RASSF4: variants seen among roughly 807,000 people sequenced by gnomAD.
RASSF4 encodes ras association domain-containing protein 4.
RASSF4 carries 38 observed loss-of-function variants against 41.1 expected under a neutral mutation model. The ratio of observed to expected loss-of-function variants is 0.92; its 90% CI spans 0.71 to 1.21. The LOEUF (loss-of-function observed/expected upper bound fraction) is 1.21, where lower values mean the gene tolerates loss of function less well. Ranked by LOEUF, RASSF4 falls within the 50% of genes most tolerant of loss-of-function variation. The pLI, the probability that RASSF4 is intolerant of heterozygous loss-of-function variation, is 0.00. For synonymous variants in RASSF4, 179 were observed against 163.4 expected, an observed-to-expected ratio of 1.10 and a Z score of -0.73; for missense variants, 414 against 419.4, an observed-to-expected ratio of 0.99 and a Z score of 0.11.
At chr10:44,985,578 T>C (rs1435188126) in intron 6 of RASSF4, among the ~76,000 whole-genome samples, 1 of 152,238 alleles carries the variant, frequency 6.6e-6, no homozygotes, top group Non-Finnish European at 1.5e-5. Context: ...GGCCATATCT[T>C]TCCCTCAGCA....
In RASSF4 at chr10:44,982,971, G is replaced by A. The variant is rs553243978; in HGVS notation, c.281+308G>A. 5.8e-5 allele frequency: 37 copies of A among 642,340 alleles called. 1 individual carries two copies. The highest frequency in any genetic ancestry group is 3.6e-4 in the South Asian group (24 of 66,044). The allele number at this position is 642,340 out of a possible 1,614,324, so 39.8% of individuals were successfully genotyped here. ...GGGGCTCCCAACACCTATGCAAGCC[G>A]AACATGTCTCGCCATCTCTTGTTCT... On this transcript the variant is annotated intron_variant, in intron 4 of 10. Transcript: ENST00000340258.
intron 6 of RASSF4, among the ~76,000 whole-genome samples, chr10:44,986,038 A>C (rs2132797920): frequency 6.6e-6 from 1 of 152,326 alleles, no homozygotes; most frequent in Middle Eastern, 3.4e-3. Flanking sequence ...TCTTGTTCCA[A>C]AAGGGGTTTA....
At chr10:44,962,943 G>A (rs1337617619) in intron 1 of RASSF4, among the ~76,000 whole-genome samples, 1 of 152,214 alleles carries the variant, frequency 6.6e-6, no homozygotes, top group Admixed American at 6.5e-5. Flanking sequence ...GGCTGCTCAG[G>A]GCCAGGCTCT....
chr10:44,985,936 A>C (rs1284393504), intron 6 of RASSF4, among the ~76,000 whole-genome samples: 1 of 152,198 alleles, frequency 6.6e-6, no homozygotes, highest in African/African-American at 2.4e-5. Context: ...CTCCTGAGAG[A>C]GTAAAGGGGA....
intron 6 of RASSF4, among the ~76,000 whole-genome samples, chr10:44,987,764 T>A (rs1479779438): frequency 1.3e-5 from 2 of 151,996 alleles, no homozygotes; most frequent in Middle Eastern, 3.2e-3. Context: ...TTTTTAGCAA[T>A]AAAGTAGTTT....
chr10:44,978,365 CT>C, intron 3 of RASSF4: 2 of 267,188 alleles, frequency 7.5e-6, no homozygotes, highest in Non-Finnish European at 1.4e-5. Flanking sequence ...ACCATGGGAC[CT>C]TTGGCAAGGC....
intron 9 of RASSF4, 51 bp downstream of exon 9, chr10:44,991,120 G>T (rs775863923): frequency 1.9e-6 from 3 of 1,549,564 alleles, no homozygotes; most frequent in African/African-American, 1.4e-5. Context: ...AGGGGTTCTT[G>T]GGTGACGGGG....
At chr10:44,977,738 A>G in intron 3 of RASSF4, 1 of 1,606,334 alleles carries the variant, frequency 6.2e-7, no homozygotes, top group Non-Finnish European at 8.5e-7. Context: ...AGTATCAGCC[A>G]TGGGCAGTGT....
At chr10:44,980,485 C>T (rs1334752858) in intron 3 of RASSF4, among the ~76,000 whole-genome samples, 1 of 152,160 alleles carries the variant, frequency 6.6e-6, no homozygotes, top group East Asian at 1.9e-4. Context: ...GCACACACAT[C>T]ACCTGTGTAG....
chr10:44,990,485 C>T (rs904711260), intron 8 of RASSF4: 2 of 155,708 alleles, frequency 1.3e-5, no homozygotes, highest in Admixed American at 1.2e-4. Context: ...TCTGGGGAGG[C>T]GAAGGGTGGG....
chr10:44,993,194 A>T, intron 10 of RASSF4, 75 bp from the exon 11 acceptor site: 1 of 1,275,998 alleles, frequency 7.8e-7, no homozygotes, highest in Non-Finnish European at 1.1e-6. Flanking sequence ...GGCCATCTGC[A>T]GGTCCCTTGC....
chr10:44,984,277 C>A, intron 5 of RASSF4, 164 bp downstream of exon 5: 1 of 644,528 alleles, frequency 1.6e-6, no homozygotes, highest in Non-Finnish European at 2.6e-6. Context: ...AGGTGCTCTG[C>A]CCTCATTCTC....
intron 3 of RASSF4, chr10:44,978,117 C>T: frequency 6.8e-7 from 1 of 1,472,492 alleles, no homozygotes; most frequent in South Asian, 1.2e-5. Flanking sequence ...CCCTCAGCGT[C>T]ACCACACTCC....
At chr10:44,966,619 G>C (rs139959756) in intron 1 of RASSF4, among the ~76,000 whole-genome samples, 171 of 152,330 alleles carry the variant, frequency 1.1e-3, no homozygotes, top group East Asian at 0.01. Context: ...GAACTTTCTT[G>C]AAACTGTGGT....
In RASSF4 at chr10:44,989,282, G is replaced by A. The variant is rs1443414273; in HGVS notation, c.540G>A (p.Val180=). 6.2e-7 allele frequency: 1 copy of A among 1,612,388 alleles called. No homozygotes were observed. The highest frequency in any genetic ancestry group is 1.1e-5 in the South Asian group (1 of 91,004). The change falls in exon 7 of 11, where the codon GTG becomes GTA. Residue 180 remains valine, a synonymous_variant. Coordinates refer to ENST00000340258, the MANE Select transcript of RASSF4 (RefSeq NM_032023.4). ...NGHFYNHKTS[V]FTPAYGSVTN... ...CTCCCTTCCTGGTACAGACCTCCGTGTTTACTCCAGCCTATGGATCCGTGA... is the reference window on the plus strand; with the variant it reads ...CTCCCTTCCTGGTACAGACCTCCGTATTTACTCCAGCCTATGGATCCGTGA...
rs1407104511 is a variant in RASSF4, at chr10:44,989,405, A to T, written c.633+30A>T. Reference sequence around the variant, plus strand: ...GCCTGGTCAGGAGCAGCCTTGCCCCAGGATGCCAGTGGTCTGCTATTCTGT... The same window carrying T: ...GCCTGGTCAGGAGCAGCCTTGCCCCTGGATGCCAGTGGTCTGCTATTCTGT... On this transcript the variant is annotated intron_variant, in intron 7 of 10. Coordinates refer to ENST00000340258, the MANE Select transcript of RASSF4 (RefSeq NM_032023.4). The T allele has an allele frequency of 2.7e-6, 4 of 1,477,322 alleles. No individual in the cohort carries two copies. The South Asian group carries it at 4.6e-5, about 17-fold the overall frequency. 91.5% of individuals were successfully genotyped at this position (1,477,322 alleles called of 1,614,324 possible). A position where few individuals can be genotyped will look rare whatever the true frequency, so the allele number is the denominator to read the frequency against.
At chr10:44,974,555 C>G (rs187094400) in intron 3 of RASSF4, among the ~76,000 whole-genome samples, 2 of 152,202 alleles carry the variant, frequency 1.3e-5, no homozygotes. Context: ...GAGCCCCAAG[C>G]TAAGGGGCTC....
At chr10:44,960,466 G>C (rs1588775159) in intron 1 of RASSF4, among the ~76,000 whole-genome samples, 1 of 152,166 alleles carries the variant, frequency 6.6e-6, no homozygotes, top group Non-Finnish European at 1.5e-5. Flanking sequence ...TTGAACCCAG[G>C]GCTTGTTGTG....
chr10:44,972,161 G>A (rs765873530), intron 3 of RASSF4, among the ~76,000 whole-genome samples: 4 of 151,772 alleles, frequency 2.6e-5, no homozygotes, highest in South Asian at 2.1e-4. Context: ...AACTGCTGCC[G>A]AGAACAGGTC....
Sources: gnomAD v4.1 joint callset for allele counts (sites outside exome capture counted in the v4.1 genomes callset) on GRCh38, gnomAD v4.1.1 for gene constraint, MANE v1.5 for transcripts, NCBI Gene and HGNC (gene_info 2026-07-23, HGNC 2026-07-21) for gene names.